GLYR1: variants seen among roughly 807,000 people sequenced by gnomAD.
GLYR1 encodes the protein cytokine-like nuclear factor N-PAC.
GLYR1 carries 21 observed loss-of-function variants against 72.7 expected under a neutral mutation model. The observed-to-expected ratio is 0.29, with a 90% CI of 0.20 to 0.42. The LOEUF is 0.42. Among genes scored for constraint, GLYR1 ranks in the 10% least tolerant of loss-of-function variants. The pLI is 1.00. For missense variants in GLYR1, 594 were observed against 712.1 expected (o/e 0.83, Z 1.89); for synonymous variants, 392 against 270.2 (o/e 1.45, Z -4.42).
chr16:4,806,306 T>C (rs779831860), intron 15 of GLYR1, among the ~76,000 whole-genome samples: 11 of 151,868 alleles, frequency 7.2e-5, no homozygotes, highest in South Asian at 6.2e-4. Context: ...GAAATGCTTC[T>C]GTGTGGTTGC....
chr16:4,842,529 T>A (rs1364792342), intron 3 of GLYR1, among the ~76,000 whole-genome samples: 9 of 151,566 alleles, frequency 5.9e-5, no homozygotes, highest in Non-Finnish European at 1.0e-4. Context: ...AAAAAAAAAA[T>A]TTATTTTTTT....
In GLYR1 at chr16:4,824,630, G is replaced by T. The variant is rs1184227781; in HGVS notation, c.538-723C>A. ...ACATTTTACAGCTATCATGACAAAGGCAGAATTAAACTCCAGGGTGGCCAG... is the reference window on the plus strand; with the variant it reads ...ACATTTTACAGCTATCATGACAAAGTCAGAATTAAACTCCAGGGTGGCCAG... On this transcript the variant is annotated intron_variant, in intron 5 of 15. Transcript: ENST00000321919. 1.3e-5 allele frequency among the ~76,000 whole-genome samples: 2 copies of T among 152,128 alleles called. 1 individual carries two copies. The highest frequency in any genetic ancestry group is 2.9e-5 in the Non-Finnish European group (2 of 68,030).
intron 4 of GLYR1, 27 bp from the exon 5 acceptor site, chr16:4,832,248 A>T: frequency 6.2e-7 from 1 of 1,611,516 alleles, no homozygotes; most frequent in Non-Finnish European, 8.5e-7. Context: ...AATAATGATA[A>T]CTACCACCAC....
chr16:4,814,061 ATTT>A, intron 11 of GLYR1: 5 of 392,176 alleles, frequency 1.3e-5, no homozygotes, highest in Admixed American at 4.1e-5. Context: ...ATTTCTTTTT[ATTT>A]AAAAAAAAAA....
At chr16:4,809,303 C>T (rs915845873) in intron 15 of GLYR1, among the ~76,000 whole-genome samples, 2 of 150,502 alleles carry the variant, frequency 1.3e-5, no homozygotes, top group African/African-American at 4.9e-5. Context: ...CAATTCTCTG[C>T]CTCAGCCTCC....
intron 12 of GLYR1, among the ~76,000 whole-genome samples, chr16:4,813,459 C>A (rs1198010015): frequency 1.3e-5 from 2 of 152,160 alleles, no homozygotes; most frequent in Non-Finnish European, 2.9e-5. Flanking sequence ...CTGCTCAAAC[C>A]CCAATGCCAG....
intron 3 of GLYR1, among the ~76,000 whole-genome samples, chr16:4,838,222 ATGCTTC>A (rs1439170973): frequency 1.3e-5 from 2 of 152,216 alleles, no homozygotes; most frequent in African/African-American, 4.8e-5. Context: ...CCAAGCTGCT[ATGCTTC>A]TAATTATTAA....
intron 15 of GLYR1, among the ~76,000 whole-genome samples, chr16:4,808,834 T>C (rs981402488): frequency 6.6e-6 from 1 of 151,916 alleles, no homozygotes; most frequent in Non-Finnish European, 1.5e-5. Context: ...GATACAGTTG[T>C]GCACGCCTAT....
intron 15 of GLYR1, among the ~76,000 whole-genome samples, chr16:4,807,636 A>G (rs1567638723): frequency 6.6e-6 from 1 of 152,220 alleles, no homozygotes; most frequent in Non-Finnish European, 1.5e-5. Flanking sequence ...AGCGAGCTGC[A>G]TTGAGAAATT....
chr16:4,810,035 T>C (rs2083236757), intron 15 of GLYR1, among the ~76,000 whole-genome samples: 2 of 152,274 alleles, frequency 1.3e-5, no homozygotes, highest in South Asian at 4.1e-4. Context: ...ATTAGATATC[T>C]AGGAAAACCC....
chr16:4,832,153 G>C lies in GLYR1; in HGVS notation c.363C>G (p.Asn121Lys). The C allele has an allele frequency of 6.2e-7, 1 of 1,614,150 alleles. No individual in the cohort carries two copies. Among genetic ancestry groups the C allele is most frequent in the Non-Finnish European group, 8.5e-7 (1 of 1,180,028 alleles). Reference sequence around the variant, plus strand: ...TAAGTTTGCGCTTCTCATCACCTGAGTTTGGCCTACTTCTCTCCTCACTGG... The same window carrying C: ...TAAGTTTGCGCTTCTCATCACCTGACTTTGGCCTACTTCTCTCCTCACTGG... ...RNSSEERSRPNSGDEKRKLSL... is the reference protein window; with the variant it reads ...RNSSEERSRPKSGDEKRKLSL... Residue 121 changes from asparagine (N) to lysine (K), a missense_variant, in exon 5 of 16, where the codon AAC becomes AAG. By Grantham distance (94) the Asn-to-Lys change is moderately conservative (BLOSUM62 0). This residue lies in a region of GLYR1 where 252 missense variants were observed against 211.3 expected (regional missense o/e 1.19). Transcript: ENST00000321919.
In GLYR1 at chr16:4,838,973, A is replaced by C. The variant is rs554099392; in HGVS notation, c.156-6061T>G. Among the ~76,000 whole-genome samples the C allele has an allele frequency of 2.0e-5, 3 of 151,924 alleles. No individual in the cohort carries two copies. The East Asian group carries it at 5.8e-4, about 29-fold the overall frequency. On this transcript the variant is annotated intron_variant, in intron 3 of 15. Coordinates refer to ENST00000321919, the MANE Select transcript of GLYR1 (RefSeq NM_032569.4). ...TCAATCACAGTTCACTGTAGCCTTG[A>C]CCTCCCAGGCTCAAGCGATCCTTCT...
intron 10 of GLYR1, among the ~76,000 whole-genome samples, chr16:4,817,204 C>T (rs1332903851): frequency 6.6e-6 from 1 of 151,760 alleles, no homozygotes; most frequent in Non-Finnish European, 1.5e-5. Flanking sequence ...ACTGCAAGCT[C>T]TGCCTCCCGG....
intron 3 of GLYR1, among the ~76,000 whole-genome samples, chr16:4,838,285 C>G (rs2085295006): frequency 6.6e-6 from 1 of 152,176 alleles, no homozygotes; most frequent in African/African-American, 2.4e-5. Context: ...ACTCAGACAC[C>G]TCACATCCAG....
At chr16:4,808,533 G>C (rs2083132787) in intron 15 of GLYR1, among the ~76,000 whole-genome samples, 1 of 152,084 alleles carries the variant, frequency 6.6e-6, no homozygotes, top group Non-Finnish European at 1.5e-5. Flanking sequence ...AGGAGGCAGA[G>C]GTTGCAGTGA....
chr16:4,835,571 C>T (rs2085076533), intron 3 of GLYR1, among the ~76,000 whole-genome samples: 1 of 152,220 alleles, frequency 6.6e-6, no homozygotes, highest in Non-Finnish European at 1.5e-5. Context: ...TGGCTCACAC[C>T]TGTAATCCTA....
In GLYR1 at chr16:4,803,686, C is replaced by G. The variant is rs945765531; in HGVS notation, c.*1550G>C. ...GCTAAAAACCCGACAGGCATCTTCC[C>G]TGCCCTCCCCCCACTCGTCTTCTGC... On this transcript the variant is annotated 3_prime_UTR_variant, in exon 16 of 16. Transcript: ENST00000321919. The G allele has an allele frequency of 2.0e-5, 3 of 152,170 alleles. No homozygotes were observed. Among genetic ancestry groups the G allele is most frequent in the South Asian group, 2.1e-4 (1 of 4,826 alleles). 9.4% of individuals were successfully genotyped at this position (152,170 alleles called of 1,614,324 possible). A position where few individuals can be genotyped will look rare whatever the true frequency, so the allele number is the denominator to read the frequency against.
At chr16:4,845,460 A>G (rs1037866589) in intron 2 of GLYR1, among the ~76,000 whole-genome samples, 2 of 152,288 alleles carry the variant, frequency 1.3e-5, no homozygotes, top group Admixed American at 1.3e-4. Flanking sequence ...ACAAGCAGTT[A>G]AAACTAAGAT....
At chr16:4,841,913 A>G (rs1463700764) in intron 3 of GLYR1, among the ~76,000 whole-genome samples, 1 of 152,150 alleles carries the variant, frequency 6.6e-6, no homozygotes, top group Non-Finnish European at 1.5e-5. Flanking sequence ...GTCCCCATCC[A>G]TCCAGATTCT....
Sources: allele counts gnomAD v4.1 joint callset (sites outside exome capture counted in the v4.1 genomes callset), GRCh38; gene constraint gnomAD v4.1.1; regional missense constraint gnomAD v4.1.1; transcripts MANE v1.5; gene names NCBI Gene and HGNC (gene_info 2026-07-23, HGNC 2026-07-21).